Variants in TIMP2 observed in about 807,000 individuals in gnomAD.
The protein encoded by TIMP2 is TIMP metallopeptidase inhibitor 2, also known as metalloproteinase inhibitor 2.
A neutral mutation model predicts 24.3 loss-of-function variants in TIMP2; 5 were observed. That is an observed-to-expected ratio of 0.21 (90% CI 0.11 to 0.43). TIMP2 has a LOEUF of 0.43. TIMP2 is among the 20% of genes least tolerant of loss of function. TIMP2 has a pLI of 1.00. For synonymous variants in TIMP2, 130 were observed against 123.2 expected (o/e 1.06, Z -0.37); for missense variants, 221 against 297.5 (o/e 0.74, Z 1.89).
At chr17:78,893,215 G>C (rs2069934864) in intron 1 of TIMP2, among the ~76,000 whole-genome samples, 1 of 147,826 alleles carries the variant, frequency 6.8e-6, no homozygotes, top group Non-Finnish European at 1.5e-5. Context: ...GTGTGCATGT[G>C]TGTGCAGGGG....
chr17:78,915,589 G>A lies in TIMP2; in HGVS notation c.130+9370C>T, dbSNP rs531569498. On this transcript the variant is annotated intron_variant, in intron 1 of 4. Coordinates refer to ENST00000262768, the MANE Select transcript of TIMP2 (RefSeq NM_003255.5). ...GGCAGGAGTGCAGTGGTGCGATGTC[G>A]GCTCACTGCAACCTCTGCTTCCCAG... 1.5e-4 allele frequency among the ~76,000 whole-genome samples: 22 copies of A among 151,684 alleles called. No homozygotes were observed. In the East Asian group the frequency reaches 3.1e-3, roughly 21 times the overall value.
intron 1 of TIMP2, among the ~76,000 whole-genome samples, chr17:78,877,871 T>A (rs1437875250): frequency 6.6e-6 from 1 of 151,774 alleles, no homozygotes; most frequent in Non-Finnish European, 1.5e-5. Flanking sequence ...GCCCGGCTAA[T>A]TTTTTGTATT....
chr17:78,890,685 G>T, intron 1 of TIMP2: 1 of 1,550,580 alleles, frequency 6.4e-7, no homozygotes, highest in Non-Finnish European at 8.7e-7. Context: ...GCTTCTTCAA[G>T]AAACTGCTTG....
rs1157320213 is a variant in TIMP2 at position 78,891,728 on chromosome 17, G to T, written c.131-17809C>A. 1 of 1,551,130 alleles carries T rather than the reference G, an allele frequency of 6.4e-7. No individual in the cohort carries two copies. The highest frequency in any genetic ancestry group is 2.0e-5 in the Admixed American group (1 of 51,014). The stretch of plus-strand genomic sequence containing the variant: ...CTCCACAAGCCCGATTTCTCCCACA[G>T]CAGCCACGAGTGGGTTTGACCTTTC... On this transcript the variant is annotated intron_variant, in intron 1 of 4. Coordinates refer to ENST00000262768, the MANE Select transcript of TIMP2 (RefSeq NM_003255.5). This position sits in a 1 kb window ranked among gnomAD's most constrained non-coding sequence, Gnocchi z 4.5.
At chr17:78,864,627 C>T (rs1273987380) in intron 3 of TIMP2, among the ~76,000 whole-genome samples, 1 of 152,124 alleles carries the variant, frequency 6.6e-6, no homozygotes, top group African/African-American at 2.4e-5. Context: ...GTGCCTCCTC[C>T]TTGAGATACT....
At chr17:78,864,927 G>T (rs2069597633) in intron 3 of TIMP2, among the ~76,000 whole-genome samples, 1 of 152,024 alleles carries the variant, frequency 6.6e-6, no homozygotes, top group Non-Finnish European at 1.5e-5. Context: ...GGTGGTGCAT[G>T]CCTGTAACCT....
Position 78,902,199 on chromosome 17 carries a change from C to T in TIMP2, c.130+22760G>A, listed in dbSNP as rs534795251. Reference sequence around the variant, plus strand: ...TCAGCTTACTGCAACCTCCACCTTCCGGGTTCAAGCAATTCTCCTGTCTCA... The same window carrying T: ...TCAGCTTACTGCAACCTCCACCTTCTGGGTTCAAGCAATTCTCCTGTCTCA... On this transcript the variant is annotated intron_variant, in intron 1 of 4. Coordinates refer to ENST00000262768, the MANE Select transcript of TIMP2 (RefSeq NM_003255.5). Among the ~76,000 whole-genome samples, 5 of 152,312 alleles carry T rather than the reference C, an allele frequency of 3.3e-5. No individual in the cohort carries two copies. In the South Asian group the frequency reaches 8.3e-4, roughly 25 times the overall value.
intron 3 of TIMP2, among the ~76,000 whole-genome samples, chr17:78,862,111 G>A (rs552046996): frequency 6.6e-6 from 1 of 152,314 alleles, no homozygotes; most frequent in South Asian, 2.1e-4. Flanking sequence ...TGGAGAAGAG[G>A]AATGTAGAAG....
In TIMP2 at chr17:78,916,727, C is replaced by T. The variant is rs894803232; in HGVS notation, c.130+8232G>A. On this transcript the variant is annotated intron_variant, in intron 1 of 4. Coordinates refer to ENST00000262768, the MANE Select transcript of TIMP2 (RefSeq NM_003255.5). ...AGTGCAGGGGCCATAAAGCCTTCCC[C>T]GGAGTCCCACTGCCAGGTCCCACTG... Among the ~76,000 whole-genome samples, 6 of 152,182 alleles carry T rather than the reference C, an allele frequency of 3.9e-5. No individual in the cohort carries two copies. In the South Asian group the frequency reaches 6.2e-4, roughly 16 times the overall value.
chr17:78,873,039 C>T (rs1489838995), intron 2 of TIMP2, among the ~76,000 whole-genome samples: 1 of 152,062 alleles, frequency 6.6e-6, no homozygotes, highest in East Asian at 1.9e-4. Context: ...CCATGTTGGC[C>T]AGGCTGGTCT....
Position 78,855,572 on chromosome 17 carries a change from T to C in TIMP2, c.*95A>G. The C allele has an allele frequency of 1.5e-6, 2 of 1,366,886 alleles. No homozygotes were observed. The highest frequency in any genetic ancestry group is 2.0e-6 in the Non-Finnish European group (2 of 994,902). 84.7% of individuals were successfully genotyped at this position (1,366,886 alleles called of 1,614,324 possible). A position where few individuals can be genotyped will look rare whatever the true frequency, so the allele number is the denominator to read the frequency against. ...TTGGACCCATGGGATGAGTGTTTTA[T>C]TCATGCTGTTTCCAGGAAGGGATGT... is the stretch of plus-strand genomic sequence containing the variant. On this transcript the variant is annotated 3_prime_UTR_variant, in exon 5 of 5. Coordinates refer to ENST00000262768, the MANE Select transcript of TIMP2 (RefSeq NM_003255.5). The surrounding 1 kb of genome is among the most constrained non-coding windows in gnomAD (Gnocchi z 6.0).
chr17:78,922,897 A>G (rs1254373437), intron 1 of TIMP2, among the ~76,000 whole-genome samples: 1 of 152,134 alleles, frequency 6.6e-6, no homozygotes, highest in African/African-American at 2.4e-5. Flanking sequence ...TTGAAAATGG[A>G]ACCAAGCAAC....
chr17:78,871,800 C>A (rs1390113778), intron 2 of TIMP2, among the ~76,000 whole-genome samples: 3 of 149,868 alleles, frequency 2.0e-5, no homozygotes, highest in Non-Finnish European at 4.4e-5. Flanking sequence ...GAGCCATGAT[C>A]GTGCCACTGC....
In TIMP2 at chr17:78,854,515, C is replaced by G. The variant is rs560927741; in HGVS notation, c.*1152G>C. 6.6e-6 allele frequency: 1 copy of G among 152,110 alleles called. No homozygotes were observed. Among genetic ancestry groups the G allele is most frequent in the African/African-American group, 2.4e-5 (1 of 41,508 alleles). The allele number at this position is 152,110 out of a possible 1,614,324, so 9.4% of individuals were successfully genotyped here. A position where few individuals can be genotyped will look rare whatever the true frequency, so the allele number is the denominator to read the frequency against. On this transcript the variant is annotated 3_prime_UTR_variant, in exon 5 of 5. Transcript: ENST00000262768. ...AAAACAGGCCATAGTGTCCTGGAGG[C>G]TGAGAAAGAAGTGAGTGTGTCACCA...
chr17:78,916,801 C>G (rs964073832), intron 1 of TIMP2, among the ~76,000 whole-genome samples: 1 of 152,338 alleles, frequency 6.6e-6, no homozygotes, highest in African/African-American at 2.4e-5. Context: ...CCTGGCCATA[C>G]TTTGTTCTAA....
intron 1 of TIMP2, among the ~76,000 whole-genome samples, chr17:78,893,428 C>CGT (rs57003496): frequency 0.019 from 1,307 of 68,040 alleles, 67 homozygotes; most frequent in African/African-American, 0.14. Flanking sequence ...GGTGTGTGTG[C>CGT]AGGGGTGTGT....
At chr17:78,881,953 G>A (rs2069783855) in intron 1 of TIMP2, among the ~76,000 whole-genome samples, 1 of 132,402 alleles carries the variant, frequency 7.6e-6, no homozygotes, top group South Asian at 2.4e-4. Context: ...GGTCAACCTG[G>A]CAGGGGCTCC....
At chr17:78,889,435 G>C (rs2069858884) in intron 1 of TIMP2, among the ~76,000 whole-genome samples, 1 of 152,238 alleles carries the variant, frequency 6.6e-6, no homozygotes, top group Non-Finnish European at 1.5e-5. Flanking sequence ...AAAGTTATAA[G>C]AATGTATTAA....
chr17:78,908,932 T>C (rs2145790825), intron 1 of TIMP2, among the ~76,000 whole-genome samples: 1 of 152,224 alleles, frequency 6.6e-6, no homozygotes, highest in East Asian at 1.9e-4. Context: ...GGCTGGTCCT[T>C]GGCTTCTGGG....
Sources: allele counts gnomAD v4.1 joint callset (sites outside exome capture counted in the v4.1 genomes callset), GRCh38; gene constraint gnomAD v4.1.1; non-coding constraint Gnocchi (gnomAD v3.1); transcripts MANE v1.5; gene names NCBI Gene and HGNC (gene_info 2026-07-23, HGNC 2026-07-21).